The following PPFIA4 variants were observed in gnomAD, a reference collection of about 807,000 sequenced individuals.
The protein encoded by PPFIA4 is liprin-alpha-4.
A neutral mutation model predicts 145.7 loss-of-function variants in PPFIA4; 98 were observed. The observed-to-expected ratio is 0.67, with a 90% CI of 0.57 to 0.80. The LOEUF is 0.80. PPFIA4 is among the 30% of genes least tolerant of loss of function. PPFIA4 has a pLI of 0.00. For missense variants in PPFIA4, 1,457 were observed against 1,632.7 expected (o/e 0.89, Z 1.85); for synonymous variants, 628 against 649.6 (o/e 0.97, Z 0.51).
At position 203,055,755 on chromosome 1, in the gene PPFIA4, T is replaced by C. The variant is rs894309205; in HGVS notation, c.2070+83T>C. On this transcript the variant is annotated intron_variant, in intron 16 of 29. Transcript: ENST00000295706. The surrounding 1 kb of genome is among the most constrained non-coding windows in gnomAD (Gnocchi z 4.8). Reference sequence around the variant, plus strand: ...TTAAGGGATGGTAGGACTCACGTGCTCTCAGCTGGGCCTGCCATCTTCTTC... The same window carrying C: ...TTAAGGGATGGTAGGACTCACGTGCCCTCAGCTGGGCCTGCCATCTTCTTC... The C allele has an allele frequency of 1.4e-5, 22 of 1,575,410 alleles. No homozygotes were observed. The highest frequency in any genetic ancestry group is 1.3e-4 in the East Asian group (6 of 44,448).
intron 1 of PPFIA4, among the ~76,000 whole-genome samples, chr1:203,033,793 A>T (rs1378768432): frequency 1.3e-5 from 2 of 152,138 alleles, no homozygotes; most frequent in Non-Finnish European, 2.9e-5. Flanking sequence ...CCCTGGCCAA[A>T]ATGCTGAAAT....
chr1:203,044,823 T>TC, intron 6 of PPFIA4, 38 bp downstream of exon 6: 1 of 1,535,358 alleles, frequency 6.5e-7, no homozygotes, highest in Non-Finnish European at 8.8e-7. Flanking sequence ...GGTCATGTGT[T>TC]CCCCAAGGTG....
chr1:203,049,211 A>G (rs1008393110), intron 12 of PPFIA4, among the ~76,000 whole-genome samples: 4 of 152,238 alleles, frequency 2.6e-5, no homozygotes, highest in African/African-American at 9.6e-5. Flanking sequence ...GGTGGACAGC[A>G]GAGAGGCAGG....
intron 1 of PPFIA4, among the ~76,000 whole-genome samples, chr1:203,032,607 ATTTTTTT>A (rs144372683): frequency 2.5e-5 from 3 of 121,154 alleles, no homozygotes; most frequent in Non-Finnish European, 5.0e-5. Context: ...CCCAGCTAAC[ATTTTTTT>A]TTTTTTTTTT....
At chr1:203,045,793 G>A (rs770733067) in intron 7 of PPFIA4, 48 bp from the exon 8 acceptor site, 2 of 1,611,978 alleles carry the variant, frequency 1.2e-6, no homozygotes, top group Non-Finnish European at 1.7e-6. Context: ...GACAGGATGG[G>A]GGCAAGGAAA....
chr1:203,064,637 A>G lies in PPFIA4; in HGVS notation c.3050+634A>G, dbSNP rs925866247. Among the ~76,000 whole-genome samples, 45 of 152,332 alleles carry G rather than the reference A, an allele frequency of 3.0e-4. 1 individual carries two copies. The highest frequency in any genetic ancestry group is 1.1e-3 in the African/African-American group (44 of 41,574). On this transcript the variant is annotated intron_variant, in intron 25 of 29. Coordinates refer to ENST00000295706, the MANE Select transcript of PPFIA4 (RefSeq NM_001304331.2). Reference sequence around the variant, plus strand: ...GGCCCACATAAATCTTCACCACTCAAATTGAGCTGCCAGTATTTAAACAGT... The same window carrying G: ...GGCCCACATAAATCTTCACCACTCAGATTGAGCTGCCAGTATTTAAACAGT...
chr1:203,046,661 C>CT (rs34854303), intron 9 of PPFIA4, among the ~76,000 whole-genome samples: 119,571 of 144,598 alleles, frequency 0.83, 50,003 homozygotes, highest in Non-Finnish European at 0.9. Context: ...TTTTCTTTTT[C>CT]TTTTTTTTTT....
rs529865891 is a variant in PPFIA4, at chr1:203,045,931, G to C, written c.949G>C (p.Asp317His). Residue 317 changes from aspartate to histidine, a missense_variant, in exon 8 of 30, where the codon GAC becomes CAC. Transcript: ENST00000295706. ...AAQREATSIH[D>H]LNDKLENELA... ...TCAGCGTGAGGCAACATCCATCCAT[G>C]ACCTCAATGACAAGCTGGAGAATGA... is the stretch of plus-strand genomic sequence containing the variant. 1.2e-6 allele frequency: 2 copies of C among 1,612,846 alleles called. No individual in the cohort carries two copies. The highest frequency in any genetic ancestry group is 4.5e-5 in the East Asian group (2 of 44,866).
At chr1:203,070,874 C>T (rs1409626003) in intron 27 of PPFIA4, among the ~76,000 whole-genome samples, 1 of 152,044 alleles carries the variant, frequency 6.6e-6, no homozygotes, top group African/African-American at 2.4e-5. Context: ...GAAAGACAGG[C>T]ACAATTTTCC....
rs146765438 is a variant in PPFIA4 at position 203,049,117 on chromosome 1, G to A, written c.1419+137G>A. 9.8e-4 allele frequency: 838 copies of A among 854,416 alleles called. 8 individuals carry two copies. The highest frequency in any genetic ancestry group is 9.7e-3 in the African/African-American group (566 of 58,652). 52.9% of individuals were successfully genotyped at this position (854,416 alleles called of 1,614,324 possible). On this transcript the variant is annotated intron_variant, in intron 12 of 29. Transcript: ENST00000295706. ...GTTAGTGCACTACATACATTATTCC[G>A]TGATTTCTCACTAGAGCCCATCATG...
rs539930536 is a variant in PPFIA4 at position 203,048,155 on chromosome 1, G to T, written c.1141-72G>T. Reference sequence around the variant, plus strand: ...TCCCCAGGGCCACCCTGGCACCAGGGTGCAGGGGATGCGGGGCCTGAGCAG... The same window carrying T: ...TCCCCAGGGCCACCCTGGCACCAGGTTGCAGGGGATGCGGGGCCTGAGCAG... On this transcript the variant is annotated intron_variant, in intron 9 of 29. Transcript: ENST00000295706. The surrounding 1 kb of genome is among the most constrained non-coding windows in gnomAD (Gnocchi z 5.8). 2.0e-4 allele frequency: 298 copies of T among 1,459,288 alleles called. 2 individuals carry two copies. The South Asian group carries it at 3.3e-3, about 16-fold the overall frequency. 90.4% of individuals were successfully genotyped at this position (1,459,288 alleles called of 1,614,324 possible). A position where few individuals can be genotyped will look rare whatever the true frequency, so the allele number is the denominator to read the frequency against.
intron 25 of PPFIA4, 93 bp from the exon 26 acceptor site, chr1:203,067,602 T>A: frequency 9.3e-7 from 1 of 1,075,310 alleles, no homozygotes; most frequent in South Asian, 1.3e-5. Flanking sequence ...AGGCAGTAGG[T>A]CTGGACATGC....
chr1:203,064,810 C>A (rs1229515748), intron 25 of PPFIA4, among the ~76,000 whole-genome samples: 1 of 152,230 alleles, frequency 6.6e-6, no homozygotes, highest in African/African-American at 2.4e-5. Flanking sequence ...CCCAGCCCCC[C>A]AGCCTGCTTC....
chr1:203,053,262 G>C (rs1558084188), intron 14 of PPFIA4, among the ~76,000 whole-genome samples: 1 of 150,532 alleles, frequency 6.6e-6, no homozygotes, highest in Non-Finnish European at 1.5e-5. Flanking sequence ...GCCGGGCACG[G>C]TGGCTCACGC....
chr1:203,062,231 A>C (rs965963810), intron 24 of PPFIA4, among the ~76,000 whole-genome samples: 1 of 152,024 alleles, frequency 6.6e-6, no homozygotes, highest in Non-Finnish European at 1.5e-5. Context: ...TAATCCCAGC[A>C]CTTTGGGAGG....
rs12742983 is a variant in PPFIA4, at chr1:203,055,293, A to T, written c.1830-139A>T. The T allele has an allele frequency of 0.21, 235,332 of 1,112,400 alleles. 27,024 individuals are homozygous for T. Among genetic ancestry groups the T allele is most frequent in the South Asian group, 0.28 (18,679 of 66,888 alleles). 68.9% of individuals were successfully genotyped at this position (1,112,400 alleles called of 1,614,324 possible). Reference sequence around the variant, plus strand: ...CTAACAAGAAAGAGATGTGTTTCTAAGCTCCAGTGGGACAGACAAAGCCTG... The same window carrying T: ...CTAACAAGAAAGAGATGTGTTTCTATGCTCCAGTGGGACAGACAAAGCCTG... On this transcript the variant is annotated intron_variant, in intron 15 of 29. Coordinates refer to ENST00000295706, the MANE Select transcript of PPFIA4 (RefSeq NM_001304331.2). The surrounding 1 kb of genome is among the most constrained non-coding windows in gnomAD (Gnocchi z 4.8).
intron 6 of PPFIA4, among the ~76,000 whole-genome samples, chr1:203,045,012 T>G (rs2102633995): frequency 6.6e-6 from 1 of 152,338 alleles, no homozygotes; most frequent in Admixed American, 6.5e-5. Context: ...GCTTGTCTGC[T>G]TGAATTGTTA....
chr1:203,076,423 G>A lies in PPFIA4; in HGVS notation c.*33G>A. 6.3e-7 allele frequency: 1 copy of A among 1,594,412 alleles called. No individual in the cohort carries two copies. Among genetic ancestry groups the A allele is most frequent in the Non-Finnish European group, 8.6e-7 (1 of 1,167,798 alleles). On this transcript the variant is annotated 3_prime_UTR_variant, in exon 30 of 30. Transcript: ENST00000295706. ...CCCCAGGGCTGGCTTCCTCCTTCTG[G>A]GTTTCACAGGCTCCTCTGGCCCTGA...
At chr1:203,059,352 G>C (rs1463916966) in intron 20 of PPFIA4, 81 bp downstream of exon 20, 1 of 1,224,900 alleles carries the variant, frequency 8.2e-7, no homozygotes, top group East Asian at 2.5e-5. Flanking sequence ...CTGTGAAACT[G>C]AGCTCAGAGA....
Sources: gnomAD v4.1 joint callset for allele counts (sites outside exome capture counted in the v4.1 genomes callset) on GRCh38, gnomAD v4.1.1 for gene constraint, Gnocchi (gnomAD v3.1) non-coding constraint, MANE v1.5 for transcripts, NCBI Gene and HGNC (gene_info 2026-07-23, HGNC 2026-07-21) for gene names.